The following STIM1 variants were observed in gnomAD, a reference collection of about 807,000 sequenced individuals.
The protein encoded by STIM1 is stromal interaction molecule 1.
STIM1 carries 25 observed loss-of-function variants against 74.7 expected under a neutral mutation model. That is an observed-to-expected ratio of 0.33 (90% CI 0.24 to 0.47). The LOEUF is 0.47. Among genes scored for constraint, STIM1 ranks in the 20% least tolerant of loss-of-function variants. The pLI, the probability that STIM1 is intolerant of heterozygous loss-of-function variation, is 1.00. For synonymous variants in STIM1, 328 were observed against 348.8 expected, an observed-to-expected ratio of 0.94 and a Z score of 0.66; for missense variants, 728 against 920.8, an observed-to-expected ratio of 0.79 and a Z score of 2.71.
At position 3,895,710 on chromosome 11, in the gene STIM1, CTTTCTTTCTTTCTTTCTTTCTTTCTTTTT is replaced by C. The variant is rs1565105146; in HGVS notation, c.139+39302_139+39330del. On this transcript the variant is annotated intron_variant, in intron 1 of 12. Coordinates refer to ENST00000526596, the MANE Select transcript of STIM1 (RefSeq NM_001382567.1). ...TCTTTCTTTCTTTCTTTCTTTCTTT[CTTTCTTTCTTTCTTTCTTTCTTTCTTTTT>C]CTTTCTTCCTTCCTTCCTTCCTTCC... 8.8e-4 allele frequency among the ~76,000 whole-genome samples: 26 copies of C among 29,548 alleles called. 1 individual carries two copies. The highest frequency in any genetic ancestry group is 1.3e-3 in the South Asian group (1 of 744). 19.4% of individuals were successfully genotyped at this position (29,548 alleles called of 152,430 possible).
rs765230033 is a variant in STIM1 at position 4,070,104 on chromosome 11, A to T, written c.692A>T (p.Tyr231Phe). 6.8e-6 allele frequency: 11 copies of T among 1,614,058 alleles called. No individual in the cohort carries two copies. Among genetic ancestry groups the T allele is most frequent in the African/African-American group, 1.3e-5 (1 of 74,934 alleles). The change falls in exon 6 of 13, where the codon TAT becomes TTT. Residue 231 changes from tyrosine to phenylalanine, a missense_variant. Physicochemically the swap from Tyr to Phe is conservative, Grantham distance 22. Around this residue, in one of 5 missense-constraint regions of STIM1, gnomAD observed 132 missense variants for 158.2 expected, o/e 0.83. Coordinates refer to ENST00000526596, the MANE Select transcript of STIM1 (RefSeq NM_001382567.1). ...GGTGTGGGCGGCTGCTGGTTTGCCT[A>T]TATCCAGAACCGTTACTCCAAGGAG... ...VIGVGGCWFA[Y>F]IQNRYSKEHM...
At chr11:3,925,543 T>C (rs2092777454) in intron 1 of STIM1, among the ~76,000 whole-genome samples, 2 of 152,244 alleles carry the variant, frequency 1.3e-5, no homozygotes, top group African/African-American at 2.4e-5. Context: ...AGAGACTTCT[T>C]AGCACTGGAT....
chr11:4,084,906 A>C, intron 11 of STIM1, 141 bp downstream of exon 11: 2 of 587,444 alleles, frequency 3.4e-6, no homozygotes, highest in Non-Finnish European at 5.5e-6. Context: ...CCTACTAACT[A>C]CAGGGAGGGG....
chr11:3,868,818 C>G (rs1348595141), intron 1 of STIM1, among the ~76,000 whole-genome samples: 1 of 152,138 alleles, frequency 6.6e-6, no homozygotes, highest in Non-Finnish European at 1.5e-5. Flanking sequence ...AGTTAGTGTT[C>G]TTTATCTCTT....
intron 5 of STIM1, among the ~76,000 whole-genome samples, chr11:4,060,009 T>C (rs1377894830): frequency 6.6e-6 from 1 of 152,102 alleles, no homozygotes; most frequent in African/African-American, 2.4e-5. Flanking sequence ...ACATGTAGAG[T>C]GCATGAACTG....
intron 1 of STIM1, among the ~76,000 whole-genome samples, chr11:3,895,737 TTTCTTTCTTCCTTC>T (rs1565105372): frequency 0.013 from 399 of 29,902 alleles, 54 homozygotes; most frequent in South Asian, 0.059. Context: ...TTTCTTTCTT[TTTCTTTCTTCCTTC>T]CTTCCTTCCT....
intron 1 of STIM1, among the ~76,000 whole-genome samples, chr11:3,954,859 C>A (rs1225031912): frequency 6.6e-6 from 1 of 152,194 alleles, no homozygotes; most frequent in African/African-American, 2.4e-5. Context: ...AAATGTTAAA[C>A]ATACTTTTAT....
intron 1 of STIM1, among the ~76,000 whole-genome samples, chr11:3,943,904 G>A (rs2093040802): frequency 6.6e-6 from 1 of 152,190 alleles, no homozygotes; most frequent in Non-Finnish European, 1.5e-5. Flanking sequence ...ATTCACATAA[G>A]TGACAGAAGC....
At chr11:4,090,455 C>T (rs2094517507) in intron 12 of STIM1, among the ~76,000 whole-genome samples, 1 of 152,234 alleles carries the variant, frequency 6.6e-6, no homozygotes, top group African/African-American at 2.4e-5. Flanking sequence ...TTGGTTTGAA[C>T]TCTGCAATAC....
At chr11:3,991,819 G>C (rs961566339) in intron 2 of STIM1, among the ~76,000 whole-genome samples, 1 of 151,324 alleles carries the variant, frequency 6.6e-6, no homozygotes, top group Non-Finnish European at 1.5e-5. Flanking sequence ...TCATGGTGGC[G>C]CATGCCTGTA....
chr11:4,077,199 T>C (rs954776098), intron 7 of STIM1, among the ~76,000 whole-genome samples: 2 of 151,778 alleles, frequency 1.3e-5, no homozygotes, highest in Non-Finnish European at 2.9e-5. Context: ...CTAAAGCAGT[T>C]GCTAAGTGAA....
chr11:4,057,888 A>AAAGTGACACT (rs2094303387), intron 4 of STIM1, among the ~76,000 whole-genome samples: 2 of 151,666 alleles, frequency 1.3e-5, no homozygotes, highest in South Asian at 4.2e-4. Context: ...AAAAAAAAAG[A>AAAGTGACACT]AAGTGACACT....
intron 1 of STIM1, among the ~76,000 whole-genome samples, chr11:3,920,220 T>A (rs1424053744): frequency 6.6e-6 from 1 of 152,130 alleles, no homozygotes; most frequent in African/African-American, 2.4e-5. Flanking sequence ...CTCAGCCTCC[T>A]AAAGTGCTGT....
At chr11:3,861,038 G>A (rs1222483192) in intron 1 of STIM1, among the ~76,000 whole-genome samples, 1 of 152,102 alleles carries the variant, frequency 6.6e-6, no homozygotes, top group Non-Finnish European at 1.5e-5. Context: ...AGGAGGGGTT[G>A]GGTGGAGGCA....
chr11:4,015,447 C>T (rs1337874480), intron 2 of STIM1, among the ~76,000 whole-genome samples: 1 of 152,170 alleles, frequency 6.6e-6, no homozygotes, highest in African/African-American at 2.4e-5. Flanking sequence ...TTGTGGGTAA[C>T]CCGACCTCTC....
chr11:4,082,930 G>T lies in STIM1; in HGVS notation c.1186G>T (p.Val396Leu). Residue 396 changes from valine to leucine, a missense_variant, in exon 9 of 13, where the codon GTG becomes TTG. Val to Leu is a conservative substitution (Grantham distance 32, BLOSUM62 1). This residue lies in a region of STIM1 where 131 missense variants were observed against 235.9 expected (regional missense o/e 0.56). Coordinates refer to ENST00000526596, the MANE Select transcript of STIM1 (RefSeq NM_001382567.1). ...AAACACACTCTTTGGCACCTTCCACGTGGCCCACAGCTCTTCCCTGGATGA... is the reference window on the plus strand; with the variant it reads ...AAACACACTCTTTGGCACCTTCCACTTGGCCCACAGCTCTTCCCTGGATGA... ...KRNTLFGTFH[V>L]AHSSSLDDVD... The T allele has an allele frequency of 1.1e-5, 17 of 1,614,098 alleles. No homozygotes were observed. The highest frequency in any genetic ancestry group is 1.4e-5 in the Non-Finnish European group (17 of 1,180,032).
At chr11:3,965,307 C>T (rs942974145) in intron 1 of STIM1, among the ~76,000 whole-genome samples, 6 of 152,190 alleles carry the variant, frequency 3.9e-5, no homozygotes, top group African/African-American at 1.4e-4. Flanking sequence ...TTTGCTGATA[C>T]TTAATTATGA....
At chr11:3,972,814 A>G (rs1342701237) in intron 2 of STIM1, 3 of 467,574 alleles carry the variant, frequency 6.4e-6, no homozygotes, top group Non-Finnish European at 1.3e-5. Flanking sequence ...AAAATCTGCC[A>G]CTGCCATAGC....
chr11:3,940,515 A>G (rs1431931708), intron 1 of STIM1, among the ~76,000 whole-genome samples: 1 of 152,216 alleles, frequency 6.6e-6, no homozygotes, highest in Non-Finnish European at 1.5e-5. Context: ...GGGGATAATA[A>G]CAGCAGACTC....
Sources: gnomAD v4.1 joint callset for allele counts (sites outside exome capture counted in the v4.1 genomes callset) on GRCh38, gnomAD v4.1.1 for gene constraint, gnomAD v4.1.1 regional missense constraint, MANE v1.5 for transcripts, NCBI Gene and HGNC (gene_info 2026-07-23, HGNC 2026-07-21) for gene names.